Variants in PRDM10 observed in about 807,000 individuals in gnomAD.
PRDM10 encodes PR domain zinc finger protein 10.
A neutral mutation model predicts 133.1 loss-of-function variants in PRDM10; 65 were observed. That is an observed-to-expected ratio of 0.49 (90% confidence interval 0.40 to 0.60). The LOEUF (loss-of-function observed/expected upper bound fraction) is 0.60. Ranked by LOEUF, PRDM10 falls within the 20% of genes least tolerant of loss-of-function variation. The pLI, the probability that PRDM10 is intolerant of heterozygous loss-of-function variation, is 0.00. For missense variants in PRDM10, 1,137 were observed against 1,507.1 expected (o/e 0.75, Z 4.07); for synonymous variants, 582 against 580.4 (o/e 1.00, Z -0.04).
chr11:129,954,295 C>T (rs1951653704), intron 4 of PRDM10, among the ~76,000 whole-genome samples: 1 of 144,054 alleles, frequency 6.9e-6, no homozygotes, highest in Non-Finnish European at 1.5e-5. Context: ...TGGAGTCTTG[C>T]TCTATCACCC....
intron 6 of PRDM10, among the ~76,000 whole-genome samples, chr11:129,944,317 G>A (rs529651716): frequency 1.3e-5 from 2 of 152,124 alleles, no homozygotes; most frequent in Admixed American, 6.5e-5. Context: ...AATCTCGGCC[G>A]GGCGCGGTGG....
In PRDM10 at chr11:129,983,134, G is replaced by A. The variant is rs112831753; in HGVS notation, c.-119+19588C>T. ...TGGGATTACAGGTGCGCACCACCAC[G>A]CCCAGCTAATTTTTTGTATTTTTAG... On this transcript the variant is annotated intron_variant, in intron 1 of 20. Transcript: ENST00000360871. Among the ~76,000 whole-genome samples the A allele has an allele frequency of 4.4e-3, 660 of 151,720 alleles. 4 individuals carry two copies. Among genetic ancestry groups the A allele is most frequent in the African/African-American group, 0.015 (617 of 41,372 alleles).
At position 129,942,606 on chromosome 11, in the gene PRDM10, C is replaced by T. The variant is rs138219128; in HGVS notation, c.786G>A (p.Arg262=). The T allele has an allele frequency of 5.6e-6, 9 of 1,613,806 alleles. No individual in the cohort carries two copies. The African/African-American group carries it at 1.2e-4, about 22-fold the overall frequency. The part of the protein sequence containing the change: ...HLKVSLDKGD[R]KERDLHEDLW... ...GGTCTTCATGTAAATCCCTTTCTTT[C>T]CTGTCCCCTTTATCAAGAGAAACCT... Residue 262 remains arginine (R), a synonymous_variant, in exon 7 of 21, where the codon AGG becomes AGA. Transcript: ENST00000360871.
At chr11:129,990,360 A>C (rs1938662466) in intron 1 of PRDM10, among the ~76,000 whole-genome samples, 1 of 148,318 alleles carries the variant, frequency 6.7e-6, no homozygotes, top group South Asian at 2.1e-4. Flanking sequence ...AAAACAAAAA[A>C]AAATTCCAAA....
chr11:129,917,307 T>C (rs1445199305), intron 14 of PRDM10, 70 bp from the exon 15 acceptor site: 11 of 1,158,652 alleles, frequency 9.5e-6, no homozygotes, highest in Non-Finnish European at 1.4e-5. Flanking sequence ...CACGAATGCC[T>C]CTGATAATGA....
intron 19 of PRDM10, among the ~76,000 whole-genome samples, chr11:129,906,313 C>A (rs1031943952): frequency 6.6e-6 from 1 of 152,126 alleles, no homozygotes; most frequent in Non-Finnish European, 1.5e-5. Context: ...GTCTTCCCAG[C>A]ACACAAGACG....
chr11:129,920,460 C>T (rs555176459), intron 13 of PRDM10, among the ~76,000 whole-genome samples: 5 of 152,332 alleles, frequency 3.3e-5, no homozygotes, highest in South Asian at 4.1e-4. Flanking sequence ...CCTCCCATGA[C>T]GCCTGTCTTG....
intron 20 of PRDM10, among the ~76,000 whole-genome samples, chr11:129,905,363 G>GACAAAAAAAAAAAAAAAAAAAA (rs1949981104): frequency 1.4e-5 from 1 of 69,442 alleles, no homozygotes. Flanking sequence ...CTCTGTCTCA[G>GACAAAAAAAAAAAAAAAAAAAA]AAAAAAAAAA....
At position 129,931,015 on chromosome 11, in the gene PRDM10, C is replaced by G; in HGVS notation, c.1530+1G>C. ...AGGAGCCGCCGGCTTTCCCCACTTA[C>G]TCGGATGCGCTTGGCTCTGCGCATG... On this transcript the variant is annotated splice_donor_variant, in intron 11 of 20. Coordinates refer to ENST00000360871, the MANE Select transcript of PRDM10 (RefSeq NM_199437.2). LOFTEE classifies it high-confidence loss of function. 1 of 1,600,228 alleles carries G rather than the reference C, an allele frequency of 6.2e-7. No homozygotes were observed. The highest frequency in any genetic ancestry group is 8.5e-7 in the Non-Finnish European group (1 of 1,172,376).
intron 6 of PRDM10, among the ~76,000 whole-genome samples, chr11:129,943,431 A>C (rs1017872774): frequency 6.6e-6 from 1 of 152,244 alleles, no homozygotes; most frequent in Non-Finnish European, 1.5e-5. Context: ...TGTCTTTCTC[A>C]AAATCCATGT....
At chr11:129,954,495 C>T (rs1024283060) in intron 4 of PRDM10, among the ~76,000 whole-genome samples, 1 of 151,972 alleles carries the variant, frequency 6.6e-6, no homozygotes, top group Non-Finnish European at 1.5e-5. Context: ...GAACTCCTGA[C>T]CTCAATTGAT....
chr11:129,914,204 G>A (rs1017466267), intron 17 of PRDM10, among the ~76,000 whole-genome samples: 1 of 152,176 alleles, frequency 6.6e-6, no homozygotes, highest in Non-Finnish European at 1.5e-5. Flanking sequence ...ATTTTGCCAT[G>A]TTGGCCAGGC....
At chr11:129,986,445 G>T (rs932134682) in intron 1 of PRDM10, among the ~76,000 whole-genome samples, 1 of 152,150 alleles carries the variant, frequency 6.6e-6, no homozygotes, top group African/African-American at 2.4e-5. Context: ...CTGGAGTGCA[G>T]TGACACAGTC....
intron 1 of PRDM10, among the ~76,000 whole-genome samples, chr11:129,998,231 C>T (rs755861507): frequency 5.9e-5 from 9 of 152,116 alleles, no homozygotes; most frequent in African/African-American, 9.7e-5. Flanking sequence ...CACTTCACAG[C>T]ACTGGCCATA....
chr11:129,959,883 C>T (rs1032154028), intron 2 of PRDM10, among the ~76,000 whole-genome samples: 7 of 151,434 alleles, frequency 4.6e-5, no homozygotes, highest in Non-Finnish European at 7.4e-5. Flanking sequence ...GAGACATGAC[C>T]GCACCACTAT....
chr11:129,976,581 G>C (rs990837823), intron 1 of PRDM10, among the ~76,000 whole-genome samples: 1 of 152,142 alleles, frequency 6.6e-6, no homozygotes, highest in Non-Finnish European at 1.5e-5. Context: ...CCGAGCAGCT[G>C]CTGATGACCA....
At chr11:129,935,330 A>T (rs1950994685) in intron 8 of PRDM10, 112 bp from the exon 9 acceptor site, 1 of 772,960 alleles carries the variant, frequency 1.3e-6, no homozygotes, top group East Asian at 2.5e-5. Flanking sequence ...AGAGTTCATA[A>T]CTATATAGTA....
chr11:129,914,745 G>A lies in PRDM10; in HGVS notation c.2800C>T (p.Gln934Ter). 6.2e-7 allele frequency: 1 copy of A among 1,614,250 alleles called. No individual in the cohort carries two copies. Among genetic ancestry groups the A allele is most frequent in the Non-Finnish European group, 8.5e-7 (1 of 1,180,046 alleles). The change falls in exon 17 of 21, where the codon CAG (glutamine) becomes TAG (stop). Residue 934 changes from glutamine to a stop codon, truncating the protein, a stop_gained. Coordinates refer to ENST00000360871, the MANE Select transcript of PRDM10 (RefSeq NM_199437.2). LOFTEE classifies it high-confidence loss of function. ...PVSQSASGLQQPQHIQLQVVQ... is the reference protein window; with the variant it reads ...PVSQSASGLQ ...ACTTGCAGCTGTATGTGCTGAGGCT[G>A]CTGGAGGCCAGACGCCGACTGCGAC... is the stretch of plus-strand genomic sequence containing the variant.
intron 1 of PRDM10, among the ~76,000 whole-genome samples, chr11:129,997,388 G>A (rs1044240947): frequency 7.9e-5 from 12 of 152,220 alleles, no homozygotes; most frequent in African/African-American, 2.9e-4. Flanking sequence ...GCCGAGGTGG[G>A]AGGATCACTT....
Sources: gnomAD v4.1 joint callset for allele counts (sites outside exome capture counted in the v4.1 genomes callset) on GRCh38, gnomAD v4.1.1 for gene constraint, MANE v1.5 for transcripts, NCBI Gene and HGNC (gene_info 2026-07-23, HGNC 2026-07-21) for gene names.